Variants in TXNDC5 observed in about 807,000 individuals in gnomAD.
The protein encoded by TXNDC5 is thioredoxin domain-containing protein 5.
Under a neutral mutation model 52.6 loss-of-function variants are expected in TXNDC5, and 44 were observed. That is an observed-to-expected ratio of 0.84 (90% CI 0.66 to 1.08). TXNDC5 has a LOEUF of 1.08. Among genes scored for constraint, TXNDC5 ranks in the 50% least tolerant of loss-of-function variants. The pLI is 0.00. For synonymous variants in TXNDC5, 241 were observed against 234.4 expected, an observed-to-expected ratio of 1.03 and a Z score of -0.26; for missense variants, 600 against 565.5, an observed-to-expected ratio of 1.06 and a Z score of -0.62.
chr6:7,885,958 T>C lies in TXNDC5; in HGVS notation c.1046+3A>G. 6.2e-7 allele frequency: 1 copy of C among 1,613,848 alleles called. No homozygotes were observed. On this transcript the variant is annotated splice_donor_region_variant and intron_variant, in intron 8 of 9. Coordinates refer to ENST00000379757, the MANE Select transcript of TXNDC5 (RefSeq NM_030810.5). ...AGTAGTTTCTAATTAAACAGCCACT[T>C]ACCATGGAGCATAAAACTTGATGAA...
In TXNDC5 at chr6:7,883,257, A is replaced by T. The variant is rs1258983559; in HGVS notation, c.1186T>A (p.Tyr396Asn). 6.2e-7 allele frequency: 1 copy of T among 1,614,222 alleles called. No homozygotes were observed. ...NICSKYSVRG[Y>N]PTLLLFRGGK... ...CCTCGGAAAAGCAATAACGTGGGGTAGCCTCGTACCTTAAAACAAAAAAGA... is the reference window on the plus strand; with the variant it reads ...CCTCGGAAAAGCAATAACGTGGGGTTGCCTCGTACCTTAAAACAAAAAAGA... The change falls in exon 10 of 10, where the codon TAC becomes AAC. Residue 396 changes from tyrosine (Y) to asparagine (N), a missense_variant. Physicochemically the swap from Tyr to Asn is moderately radical, Grantham distance 143. Coordinates refer to ENST00000379757, the MANE Select transcript of TXNDC5 (RefSeq NM_030810.5).
In TXNDC5 at chr6:7,889,562, T is replaced by C. The variant is rs771375536; in HGVS notation, c.752A>G (p.Tyr251Cys). ...AACCTGGTTTCCGGAGCAGAGTTCA[T>C]AGTGCTGTGTACAATCAACCTGAGA... The part of the protein sequence containing the change: ...KIGKVDCTQH[Y>C]ELCSGNQVRG... Residue 251 changes from tyrosine to cysteine, a missense_variant, in exon 6 of 10, where the codon TAT becomes TGT. Tyr to Cys is a radical substitution (Grantham distance 194). Transcript: ENST00000379757. The C allele has an allele frequency of 1.9e-6, 3 of 1,613,300 alleles. No homozygotes were observed. Among genetic ancestry groups the C allele is most frequent in the South Asian group, 2.2e-5 (2 of 91,068 alleles).
chr6:7,884,546 ACT>A, intron 8 of TXNDC5, 58 bp from the exon 9 acceptor site: 2 of 1,608,442 alleles, frequency 1.2e-6, no homozygotes, highest in African/African-American at 2.7e-5. Flanking sequence ...ATTCACCTAC[ACT>A]CTGCTGCCAA....
chr6:7,905,199 C>A (rs1366833283), intron 1 of TXNDC5, among the ~76,000 whole-genome samples: 1 of 152,174 alleles, frequency 6.6e-6, no homozygotes, highest in South Asian at 2.1e-4. Flanking sequence ...CTTCCTCTAG[C>A]AAGTTGGCCC....
At chr6:7,885,547 C>T (rs150246659) in intron 8 of TXNDC5, among the ~76,000 whole-genome samples, 82 of 152,198 alleles carry the variant, frequency 5.4e-4, no homozygotes, top group African/African-American at 1.8e-3. Context: ...AAAAGAAATC[C>T]GAGTACTTAA....
In TXNDC5 at chr6:7,883,400, T is replaced by C. The variant is rs574561810; in HGVS notation, c.1177-134A>G. Reference sequence around the variant, plus strand: ...GTGGCTAATTTTTAAAGGTGTATATTCCATTAAAACAGGAGCAGACTACTG... The same window carrying C: ...GTGGCTAATTTTTAAAGGTGTATATCCCATTAAAACAGGAGCAGACTACTG... On this transcript the variant is annotated intron_variant, in intron 9 of 9. Transcript: ENST00000379757. 9 of 1,311,192 alleles carry C rather than the reference T, an allele frequency of 6.9e-6. No individual in the cohort carries two copies. The East Asian group carries it at 9.9e-5, about 14-fold the overall frequency. 81.2% of individuals were successfully genotyped at this position (1,311,192 alleles called of 1,614,324 possible).
At chr6:7,889,655 T>A in intron 5 of TXNDC5, 74 bp from the exon 6 acceptor site, 1 of 1,126,694 alleles carries the variant, frequency 8.9e-7, no homozygotes, top group Non-Finnish European at 1.3e-6. Flanking sequence ...TACTGGACAC[T>A]TTGTACGTTA....
At position 7,883,158 on chromosome 6, in the gene TXNDC5, T is replaced by C; in HGVS notation, c.1285A>G (p.Lys429Glu). ...SLHRFVLSQAKDEL is the reference protein window; with the variant it reads ...SLHRFVLSQAEDEL ...CAACTGTGTTCCTAAAGTTCGTCTTTCGCTTGGCTCAGGACAAAGCGGTGT... is the reference window on the plus strand; with the variant it reads ...CAACTGTGTTCCTAAAGTTCGTCTTCCGCTTGGCTCAGGACAAAGCGGTGT... Residue 429 changes from lysine to glutamate, a missense_variant, in exon 10 of 10, where the codon AAA (lysine) becomes GAA (glutamate). Physicochemically the swap from Lys to Glu is moderately conservative, Grantham distance 56. Coordinates refer to ENST00000379757, the MANE Select transcript of TXNDC5 (RefSeq NM_030810.5). 6.2e-7 allele frequency: 1 copy of C among 1,614,188 alleles called. No homozygotes were observed. The highest frequency in any genetic ancestry group is 8.5e-7 in the Non-Finnish European group (1 of 1,180,036).
intron 4 of TXNDC5, among the ~76,000 whole-genome samples, chr6:7,892,351 G>A (rs1405489428): frequency 2.6e-5 from 4 of 152,232 alleles, no homozygotes; most frequent in African/African-American, 9.6e-5. Flanking sequence ...AGCAAAGTCT[G>A]GACCACGGGG....
At chr6:7,884,141 C>T (rs568306156) in intron 9 of TXNDC5, among the ~76,000 whole-genome samples, 2 of 152,308 alleles carry the variant, frequency 1.3e-5, no homozygotes, top group South Asian at 4.2e-4. Context: ...TGAAAACCTG[C>T]ACTGAAACAT....
chr6:7,905,656 T>C lies in TXNDC5; in HGVS notation c.264-933A>G, dbSNP rs112977893. Among the ~76,000 whole-genome samples the C allele has an allele frequency of 1.3e-3, 195 of 152,362 alleles. 1 individual carries two copies. The highest frequency in any genetic ancestry group is 4.4e-3 in the African/African-American group (184 of 41,592). On this transcript the variant is annotated intron_variant, in intron 1 of 9. Coordinates refer to ENST00000379757, the MANE Select transcript of TXNDC5 (RefSeq NM_030810.5). ...CTCTTGCTGTGTTCTCTGGACAGTA[T>C]GTCTACAGTGCCATACTCGAATTTT...
intron 1 of TXNDC5, 78 bp downstream of exon 1, chr6:7,910,436 C>T: frequency 7.9e-7 from 1 of 1,261,794 alleles, no homozygotes; most frequent in Non-Finnish European, 1.0e-6. Context: ...CCCGGGACCC[C>T]CCGCCCGCGG....
At chr6:7,887,712 C>A (rs1225943) in intron 7 of TXNDC5, among the ~76,000 whole-genome samples, 81,496 of 152,052 alleles carry the variant, frequency 0.54, 24,609 homozygotes, top group African/African-American at 0.8. Flanking sequence ...GATACAGTTC[C>A]TAATCCTTGG....
rs1431572850 is a variant in TXNDC5 at position 7,910,658 on chromosome 6, T to G, written c.119A>C (p.Glu40Ala). The G allele has an allele frequency of 7.7e-6, 9 of 1,168,220 alleles. No homozygotes were observed. Among genetic ancestry groups the G allele is most frequent in the Non-Finnish European group, 7.5e-6 (7 of 929,342 alleles). 72.4% of individuals were successfully genotyped at this position (1,168,220 alleles called of 1,614,324 possible). Residue 40 changes from glutamate to alanine, a missense_variant, in exon 1 of 10, where the codon GAG (glutamate) becomes GCG (alanine). Glu to Ala is a moderately radical substitution (Grantham distance 107). Coordinates refer to ENST00000379757, the MANE Select transcript of TXNDC5 (RefSeq NM_030810.5). ...GGGRWGARAQEAAAAAADGPP... is the reference protein window; with the variant it reads ...GGGRWGARAQAAAAAAADGPP... ...CCCGTCCGCCGCCGCCGCCGCCGCCTCCTGGGCCCGGGCGCCCCAGCGCCC... is the reference window on the plus strand; with the variant it reads ...CCCGTCCGCCGCCGCCGCCGCCGCCGCCTGGGCCCGGGCGCCCCAGCGCCC...
At chr6:7,907,811 T>A (rs1760785059) in intron 1 of TXNDC5, among the ~76,000 whole-genome samples, 1 of 152,176 alleles carries the variant, frequency 6.6e-6, no homozygotes, top group Non-Finnish European at 1.5e-5. Context: ...TACTTGATCT[T>A]GCCCCTGCTG....
chr6:7,901,077 C>T (rs974471875), intron 2 of TXNDC5, among the ~76,000 whole-genome samples: 11 of 152,098 alleles, frequency 7.2e-5, no homozygotes, highest in African/African-American at 2.7e-4. Flanking sequence ...AGGTAGGGTC[C>T]CTAATGTGTC....
intron 3 of TXNDC5, among the ~76,000 whole-genome samples, chr6:7,897,619 TGAG>T (rs1315913779): frequency 7.2e-5 from 11 of 152,170 alleles, no homozygotes; most frequent in Non-Finnish European, 1.5e-4. Flanking sequence ...GCTCCCACAC[TGAG>T]GAGACAGAAA....
At chr6:7,908,012 C>T (rs890631272) in intron 1 of TXNDC5, among the ~76,000 whole-genome samples, 1 of 152,146 alleles carries the variant, frequency 6.6e-6, no homozygotes. Context: ...ATGCCAGGTG[C>T]GGTGGCTTAC....
chr6:7,907,334 C>G (rs1308118720), intron 1 of TXNDC5, among the ~76,000 whole-genome samples: 2 of 152,152 alleles, frequency 1.3e-5, no homozygotes, highest in African/African-American at 4.8e-5. Flanking sequence ...GGCCCTGCGG[C>G]TACAGCACCC....
Sources: allele counts gnomAD v4.1 joint callset (sites outside exome capture counted in the v4.1 genomes callset), GRCh38; gene constraint gnomAD v4.1.1; transcripts MANE v1.5; gene names NCBI Gene and HGNC (gene_info 2026-07-23, HGNC 2026-07-21).